TPTE: variants seen among roughly 807,000 people sequenced by gnomAD.
The protein encoded by TPTE is transmembrane phosphatase with tensin homology.
Under a neutral mutation model 84.1 loss-of-function variants are expected in TPTE, and 59 were observed. That is an observed-to-expected ratio of 0.70 (90% CI 0.57 to 0.87). TPTE has a LOEUF of 0.87. TPTE is among the 40% of genes least tolerant of loss of function. The pLI is 0.00. For synonymous variants in TPTE, 130 were observed against 223.5 expected (o/e 0.58, Z 3.73); for missense variants, 382 against 659.6 (o/e 0.58, Z 4.61).
At chr21:10,535,452 A>G (rs1394124883) in intron 3 of TPTE, among the ~76,000 whole-genome samples, 4 of 152,420 alleles carry the variant, frequency 2.6e-5, no homozygotes, top group East Asian at 3.8e-4. Context: ...CTTTGACACT[A>G]TGTCTAAATC....
intron 4 of TPTE, 71 bp downstream of exon 4, chr21:10,538,805 C>T (rs1395878678): frequency 1.2e-6 from 2 of 1,613,710 alleles, no homozygotes; most frequent in African/African-American, 1.3e-5. Context: ...CAGACACAGG[C>T]ACATAAACAA....
At chr21:10,574,000 G>A (rs1461975170) in intron 14 of TPTE, among the ~76,000 whole-genome samples, 1 of 152,308 alleles carries the variant, frequency 6.6e-6, no homozygotes, top group Non-Finnish European at 1.5e-5. Context: ...AACTCTTGAT[G>A]GAAGGAATTA....
chr21:10,574,978 A>T (rs1340091100), intron 14 of TPTE, among the ~76,000 whole-genome samples: 1 of 152,306 alleles, frequency 6.6e-6, no homozygotes, highest in Non-Finnish European at 1.5e-5. Flanking sequence ...AGGGGGCTGA[A>T]TCCAGGGAGC....
chr21:10,590,574 T>C, intron 18 of TPTE, 51 bp downstream of exon 18: 3 of 1,611,130 alleles, frequency 1.9e-6, no homozygotes, highest in Non-Finnish European at 1.7e-6. Context: ...AGTTTGCTAG[T>C]TCTGAAACAT....
chr21:10,541,120 C>A lies in TPTE; in HGVS notation c.20C>A (p.Pro7Gln). 1 of 1,613,124 alleles carries A rather than the reference C, an allele frequency of 6.2e-7. No individual in the cohort carries two copies. The highest frequency in any genetic ancestry group is 8.5e-7 in the Non-Finnish European group (1 of 1,179,250). Residue 7 changes from proline (P) to glutamine (Q), a missense_variant, in exon 5 of 24, where the codon CCG becomes CAG. Pro to Gln is a moderately conservative substitution (Grantham distance 76, BLOSUM62 -1). Around this residue, in one of 10 missense-constraint regions of TPTE, gnomAD observed 63 missense variants for 49.5 expected, o/e 1.27. Coordinates refer to ENST00000618007, the MANE Select transcript of TPTE (RefSeq NM_199261.4). MNESPD[P>Q]TDLAGVIIEL... Reference sequence around the variant, plus strand: ...CCATATTTGTCCTTTAGTCCTGATCCGACTGACCTGGCGGGAGTCATCATT... The same window carrying A: ...CCATATTTGTCCTTTAGTCCTGATCAGACTGACCTGGCGGGAGTCATCATT...
chr21:10,584,879 AGTGTGTGT>A (rs56198162), intron 17 of TPTE, among the ~76,000 whole-genome samples: 250 of 148,826 alleles, frequency 1.7e-3, no homozygotes, highest in African/African-American at 5.3e-3. Context: ...ATGCTTTACG[AGTGTGTGT>A]GTGTGTGTGT....
intron 21 of TPTE, among the ~76,000 whole-genome samples, chr21:10,601,399 A>G (rs1379046423): frequency 6.6e-6 from 1 of 152,304 alleles, no homozygotes; most frequent in African/African-American, 2.4e-5. Flanking sequence ...GCTACTTGGG[A>G]GGCTGAGGCT....
chr21:10,525,243 C>T (rs1456847125), intron 2 of TPTE, among the ~76,000 whole-genome samples: 2 of 152,310 alleles, frequency 1.3e-5, no homozygotes, highest in Non-Finnish European at 2.9e-5. Context: ...ATGGATGTTA[C>T]AATTATATGA....
At chr21:10,556,965 T>G (rs1299166224) in intron 8 of TPTE, among the ~76,000 whole-genome samples, 7 of 152,312 alleles carry the variant, frequency 4.6e-5, no homozygotes, top group African/African-American at 1.4e-4. Flanking sequence ...ATGAGTAGAT[T>G]CCAAAAATTT....
chr21:10,545,679 G>T (rs565880870), intron 7 of TPTE, among the ~76,000 whole-genome samples: 1 of 152,276 alleles, frequency 6.6e-6, no homozygotes, highest in African/African-American at 2.4e-5. Flanking sequence ...ATGTGTGTGT[G>T]TGTATATATA....
intron 6 of TPTE, among the ~76,000 whole-genome samples, 162 bp from the exon 7 acceptor site, chr21:10,543,167 C>G (rs1371553504): frequency 7.1e-6 from 1 of 139,890 alleles, no homozygotes; most frequent in Non-Finnish European, 1.5e-5. Flanking sequence ...GTAGCTGGGA[C>G]TACAGGCGCC....
intron 10 of TPTE, among the ~76,000 whole-genome samples, chr21:10,565,013 A>AGAG (rs1471776444): frequency 1.3e-5 from 2 of 152,312 alleles, no homozygotes; most frequent in Non-Finnish European, 2.9e-5. Flanking sequence ...CCATTATGGA[A>AGAG]GAGAAAGAAA....
At chr21:10,558,768 C>G (rs1361272677) in intron 8 of TPTE, among the ~76,000 whole-genome samples, 2 of 142,658 alleles carry the variant, frequency 1.4e-5, no homozygotes, top group Non-Finnish European at 3.1e-5. Flanking sequence ...GGAGGCTTCT[C>G]CTCCTGAAGA....
chr21:10,585,241 CAAA>C (rs61644136), intron 17 of TPTE, among the ~76,000 whole-genome samples: 3,833 of 142,710 alleles, frequency 0.027, no homozygotes, highest in South Asian at 0.068. Context: ...AAAAATGAAA[CAAA>C]AAAAAAAAAA....
At chr21:10,536,018 C>G (rs2074259587) in intron 3 of TPTE, among the ~76,000 whole-genome samples, 1 of 152,310 alleles carries the variant, frequency 6.6e-6, no homozygotes, top group Admixed American at 6.5e-5. Context: ...TGGCTCATAT[C>G]TGTAATCCCA....
intron 21 of TPTE, among the ~76,000 whole-genome samples, chr21:10,599,693 G>T (rs2075652611): frequency 6.6e-6 from 1 of 152,312 alleles, no homozygotes; most frequent in Non-Finnish European, 1.5e-5. Flanking sequence ...AGATATAATA[G>T]CCCTAACGTG....
At chr21:10,546,432 G>T (rs1296124131) in intron 7 of TPTE, among the ~76,000 whole-genome samples, 1 of 152,302 alleles carries the variant, frequency 6.6e-6, no homozygotes, top group Non-Finnish European at 1.5e-5. Flanking sequence ...GCCTATGATG[G>T]TCTCTGAGTG....
intron 21 of TPTE, among the ~76,000 whole-genome samples, chr21:10,600,764 G>A (rs1239509822): frequency 6.6e-6 from 1 of 152,308 alleles, no homozygotes; most frequent in Non-Finnish European, 1.5e-5. Flanking sequence ...TTCTTATTGT[G>A]GGTGCCATTA....
At chr21:10,605,339 G>A (rs1297258085) in intron 23 of TPTE, 78 bp from the exon 24 acceptor site, 3 of 1,539,374 alleles carry the variant, frequency 1.9e-6, no homozygotes, top group Admixed American at 2.1e-5. Flanking sequence ...GTTTCTTCCA[G>A]CTCTAACGTG....
Sources: allele counts gnomAD v4.1 joint callset (sites outside exome capture counted in the v4.1 genomes callset), GRCh38; gene constraint gnomAD v4.1.1; regional missense constraint gnomAD v4.1.1; transcripts MANE v1.5; gene names NCBI Gene and HGNC (gene_info 2026-07-23, HGNC 2026-07-21).